Variants in SORCS3 observed in about 807,000 individuals in gnomAD.
SORCS3 encodes the protein VPS10 domain-containing receptor SorCS3.
A neutral mutation model predicts 146.3 loss-of-function variants in SORCS3; 57 were observed. That is an observed-to-expected ratio of 0.39 (90% CI 0.31 to 0.49). The LOEUF (loss-of-function observed/expected upper bound fraction) is 0.49, where lower values mean the gene tolerates loss of function less well. Ranked by LOEUF, SORCS3 falls within the 20% of genes least tolerant of loss-of-function variation. SORCS3 has a pLI of 0.92. For missense variants in SORCS3, 1,341 were observed against 1,575.5 expected (o/e 0.85, Z 2.52); for synonymous variants, 653 against 618.5 (o/e 1.06, Z -0.83).
intron 7 of SORCS3, among the ~76,000 whole-genome samples, chr10:105,127,241 G>A (rs1460131775): frequency 6.6e-6 from 1 of 152,038 alleles, no homozygotes; most frequent in Non-Finnish European, 1.5e-5. Flanking sequence ...TATAGCCCCT[G>A]ATTTTCGAAG....
chr10:105,041,436 T>C (rs1161572918), intron 4 of SORCS3, among the ~76,000 whole-genome samples: 1 of 147,216 alleles, frequency 6.8e-6, no homozygotes, highest in African/African-American at 2.5e-5. Flanking sequence ...TACACACACA[T>C]ATATATAACT....
chr10:105,035,092 C>T (rs2055297045), intron 4 of SORCS3, among the ~76,000 whole-genome samples: 1 of 152,196 alleles, frequency 6.6e-6, no homozygotes, highest in Admixed American at 6.5e-5. Flanking sequence ...CTGGCCCTAT[C>T]CTCCTCAAAC....
At chr10:104,779,266 C>A (rs1207861097) in intron 1 of SORCS3, among the ~76,000 whole-genome samples, 1 of 152,198 alleles carries the variant, frequency 6.6e-6, no homozygotes, top group African/African-American at 2.4e-5. Flanking sequence ...GTTGCGTTGT[C>A]TTTAAGCTCC....
At chr10:104,784,991 C>T (rs1424498318) in intron 1 of SORCS3, among the ~76,000 whole-genome samples, 1 of 152,146 alleles carries the variant, frequency 6.6e-6, no homozygotes, top group African/African-American at 2.4e-5. Flanking sequence ...GGTGGCCGGG[C>T]AGAGGGGCTC....
At chr10:104,797,732 C>A (rs2017573615) in intron 1 of SORCS3, among the ~76,000 whole-genome samples, 1 of 152,088 alleles carries the variant, frequency 6.6e-6, no homozygotes, top group Non-Finnish European at 1.5e-5. Flanking sequence ...ATCCAAAGTC[C>A]ATGCTTAGCT....
intron 3 of SORCS3, among the ~76,000 whole-genome samples, chr10:104,929,457 A>G (rs2019183591): frequency 6.6e-6 from 1 of 152,202 alleles, no homozygotes; most frequent in African/African-American, 2.4e-5. Flanking sequence ...CAAAATGAAA[A>G]CAATAACAAA....
rs1457997432 is a variant in SORCS3, at chr10:105,247,204, T to A, written c.2993-15T>A. ...CACTCTCCCAGCCTCACTTAAACAT[T>A]CTCTCTCCCTGCAGAATATTTCCAG... On this transcript the variant is annotated splice_polypyrimidine_tract_variant and intron_variant, in intron 21 of 26. Coordinates refer to ENST00000369701, the MANE Select transcript of SORCS3 (RefSeq NM_014978.3). The A allele has an allele frequency of 6.7e-7, 1 of 1,483,208 alleles. No homozygotes were observed. The highest frequency in any genetic ancestry group is 9.4e-7 in the Non-Finnish European group (1 of 1,065,092). The allele number at this position is 1,483,208 out of a possible 1,614,324, so 91.9% of individuals were successfully genotyped here.
intron 7 of SORCS3, among the ~76,000 whole-genome samples, chr10:105,121,460 G>C (rs949929279): frequency 8.5e-5 from 13 of 152,254 alleles, no homozygotes; most frequent in African/African-American, 3.1e-4. Context: ...GGGCTGTCTG[G>C]GTTTATAAAG....
chr10:104,930,079 TGAA>T (rs2019191351), intron 3 of SORCS3, among the ~76,000 whole-genome samples: 1 of 151,672 alleles, frequency 6.6e-6, no homozygotes, highest in Non-Finnish European at 1.5e-5. Context: ...TTCAATGAAA[TGAA>T]GAAAACGATA....
intron 1 of SORCS3, among the ~76,000 whole-genome samples, chr10:104,687,639 C>CA (rs2016061112): frequency 6.6e-6 from 1 of 152,024 alleles, no homozygotes. Context: ...AAGAAGCCCC[C>CA]AGGTTTCAAG....
intron 4 of SORCS3, among the ~76,000 whole-genome samples, chr10:104,987,325 T>C (rs1435358359): frequency 2.6e-5 from 4 of 152,170 alleles, no homozygotes; most frequent in Non-Finnish European, 5.9e-5. Flanking sequence ...GTGGGGCTTT[T>C]TTTTGCATAC....
At chr10:104,900,154 C>A (rs565791132) in intron 2 of SORCS3, among the ~76,000 whole-genome samples, 134 of 152,262 alleles carry the variant, frequency 8.8e-4, no homozygotes, top group African/African-American at 3.1e-3. Context: ...TTTTAGGGAA[C>A]CCAGCTTAGG....
At chr10:105,078,964 T>C (rs1369627190) in intron 5 of SORCS3, among the ~76,000 whole-genome samples, 1 of 152,174 alleles carries the variant, frequency 6.6e-6, no homozygotes, top group Non-Finnish European at 1.5e-5. Context: ...TCTTGGGCTC[T>C]AATAAATGAT....
chr10:104,941,320 C>G (rs1363219756), intron 3 of SORCS3, among the ~76,000 whole-genome samples: 1 of 152,184 alleles, frequency 6.6e-6, no homozygotes, highest in Non-Finnish European at 1.5e-5. Context: ...CAAGATATAG[C>G]TGCTGTGATT....
intron 25 of SORCS3, among the ~76,000 whole-genome samples, chr10:105,258,577 G>A (rs548849748): frequency 2.6e-5 from 4 of 152,222 alleles, no homozygotes; most frequent in African/African-American, 9.6e-5. Context: ...TGTGTCAGGT[G>A]GATCCAAAGT....
At position 105,251,422 on chromosome 10, in the gene SORCS3, G is replaced by A. The variant is rs146379424; in HGVS notation, c.3106-1353G>A. Among the ~76,000 whole-genome samples, 35 of 152,142 alleles carry A rather than the reference G, an allele frequency of 2.3e-4. No individual in the cohort carries two copies. The Middle Eastern group carries it at 0.037, about 163-fold the overall frequency. ...TGAGATTTAGGTGGGGACACAAAGC[G>A]TAACCATATCAGGATCTATCTGAGA... On this transcript the variant is annotated intron_variant, in intron 22 of 26. Transcript: ENST00000369701.
chr10:104,746,237 C>T (rs1042881283), intron 1 of SORCS3, among the ~76,000 whole-genome samples: 86 of 151,476 alleles, frequency 5.7e-4, no homozygotes, highest in Middle Eastern at 3.4e-3. Context: ...CCCAGGTTCA[C>T]GCCATTCTCC....
rs563127072 is a variant in SORCS3, at chr10:105,067,555, T to G, written c.1029-22220T>G. ...TAAATAATAAACCTCAATTTTTTCC[T>G]TTTCCACTCAGGTGACTTTCCTGTT... On this transcript the variant is annotated intron_variant, in intron 5 of 26. Coordinates refer to ENST00000369701, the MANE Select transcript of SORCS3 (RefSeq NM_014978.3). 2.6e-5 allele frequency among the ~76,000 whole-genome samples: 4 copies of G among 152,320 alleles called. No homozygotes were observed. In the East Asian group the frequency reaches 7.7e-4, roughly 29 times the overall value.
intron 13 of SORCS3, among the ~76,000 whole-genome samples, chr10:105,170,531 A>C (rs1042724057): frequency 2.0e-5 from 3 of 152,206 alleles, no homozygotes; most frequent in African/African-American, 7.2e-5. Flanking sequence ...GATTTTTCAA[A>C]CTAAGCTTTT....
Sources: allele counts gnomAD v4.1 joint callset (sites outside exome capture counted in the v4.1 genomes callset), GRCh38; gene constraint gnomAD v4.1.1; transcripts MANE v1.5; gene names NCBI Gene and HGNC (gene_info 2026-07-23, HGNC 2026-07-21).